CFAP97D2: variants seen among roughly 807,000 people sequenced by gnomAD.
CFAP97D2 encodes CFAP97 domain containing 2.
chr13:114,215,333 C>G (rs149484649), intron 4 of CFAP97D2, among the ~76,000 whole-genome samples: 184 of 152,016 alleles, frequency 1.2e-3, no homozygotes, highest in African/African-American at 4.3e-3. Context: ...CAATATTTAC[C>G]TTTTTTCTAT....
chr13:114,204,158 A>G (rs9590476), intron 3 of CFAP97D2, among the ~76,000 whole-genome samples: 10,031 of 152,250 alleles, frequency 0.066, 656 homozygotes, highest in African/African-American at 0.17. Flanking sequence ...GGCAGCCCAC[A>G]GGAGAGAGGC....
At chr13:114,181,512 C>T (rs117461521) in intron 1 of CFAP97D2, among the ~76,000 whole-genome samples, 1,755 of 152,234 alleles carry the variant, frequency 0.012, 94 homozygotes, top group Admixed American at 0.081. Context: ...AGGAGAAGGG[C>T]AAGCTACAGC....
In CFAP97D2 at chr13:114,221,891, A is replaced by T. The variant is rs542060017; in HGVS notation, c.481-607A>T. On this transcript the variant is annotated intron_variant, in intron 4 of 4. Transcript: ENST00000646158. ...TCGAGAGACTTGAAAACATACATTC[A>T]TGCAAAAACCCATACACTGATGTTC... Among the ~76,000 whole-genome samples, 12 of 152,324 alleles carry T rather than the reference A, an allele frequency of 7.9e-5. No homozygotes were observed. In the South Asian group the frequency reaches 2.5e-3, roughly 32 times the overall value.
At chr13:114,197,684 T>G (rs2080893896) in intron 2 of CFAP97D2, among the ~76,000 whole-genome samples, 1 of 145,096 alleles carries the variant, frequency 6.9e-6, no homozygotes, top group African/African-American at 2.9e-5. Flanking sequence ...TGTTGGGTTT[T>G]GGGTTTGTTT....
intron 3 of CFAP97D2, among the ~76,000 whole-genome samples, chr13:114,202,574 C>T (rs914019200): frequency 6.6e-6 from 1 of 152,244 alleles, no homozygotes; most frequent in African/African-American, 2.4e-5. Context: ...CAGATGCACA[C>T]CAGAAGCTGC....
chr13:114,182,856 G>A (rs1301153939), intron 1 of CFAP97D2, among the ~76,000 whole-genome samples: 1 of 152,158 alleles, frequency 6.6e-6, no homozygotes, highest in Non-Finnish European at 1.5e-5. Flanking sequence ...CAAAGTACAG[G>A]TCTTTTTCAG....
chr13:114,200,230 G>A (rs1410961049), intron 2 of CFAP97D2, 95 bp from the exon 3 acceptor site: 3 of 390,142 alleles, frequency 7.7e-6, no homozygotes, highest in African/African-American at 2.1e-5. Flanking sequence ...ACGAGGCAGC[G>A]TAAAACTCCC....
chr13:114,180,365 C>T (rs780417201), intron 1 of CFAP97D2, among the ~76,000 whole-genome samples: 6 of 152,214 alleles, frequency 3.9e-5, no homozygotes, highest in African/African-American at 9.6e-5. Context: ...CATTGCAAGG[C>T]GCCATAGCAC....
chr13:114,212,846 C>T (rs1468221130), intron 4 of CFAP97D2, among the ~76,000 whole-genome samples: 9 of 148,340 alleles, frequency 6.1e-5, no homozygotes, highest in East Asian at 2.0e-4. Flanking sequence ...ATCGAGACTC[C>T]GTCTCAAAAT....
At chr13:114,182,742 C>T (rs1271603946) in intron 1 of CFAP97D2, among the ~76,000 whole-genome samples, 1 of 152,232 alleles carries the variant, frequency 6.6e-6, no homozygotes, top group Non-Finnish European at 1.5e-5. Context: ...ACCTTGATTT[C>T]ATACAACACG....
chr13:114,180,106 C>T (rs2138743351), intron 1 of CFAP97D2, among the ~76,000 whole-genome samples: 1 of 152,374 alleles, frequency 6.6e-6, no homozygotes, highest in Non-Finnish European at 1.5e-5. Context: ...TGGCCTCCCA[C>T]AGTCTTCTGC....
rs776610635 is a variant in CFAP97D2, at chr13:114,207,714, C to T, written c.291-4198C>T. Among the ~76,000 whole-genome samples, 9 of 152,138 alleles carry T rather than the reference C, an allele frequency of 5.9e-5. No homozygotes were observed. The highest frequency in any genetic ancestry group is 1.3e-4 in the Non-Finnish European group (9 of 68,022). On this transcript the variant is annotated intron_variant, in intron 3 of 4. Transcript: ENST00000646158. The surrounding 1 kb of genome is among the most constrained non-coding windows in gnomAD (Gnocchi z 4.9). Reference sequence around the variant, plus strand: ...CACAGACTGGTATGGGTCCATGGCCCGGGGGTTGGGGACCTCTGCCTTATA... The same window carrying T: ...CACAGACTGGTATGGGTCCATGGCCTGGGGGTTGGGGACCTCTGCCTTATA...
chr13:114,200,137 G>T (rs948048016), intron 2 of CFAP97D2, among the ~76,000 whole-genome samples, 188 bp from the exon 3 acceptor site: 4 of 148,444 alleles, frequency 2.7e-5, no homozygotes, highest in Middle Eastern at 3.6e-3. Context: ...GTCCCCTCGC[G>T]TACGGTCCCT....
intron 1 of CFAP97D2, among the ~76,000 whole-genome samples, chr13:114,195,929 A>C (rs190784540): frequency 0.022 from 3,400 of 151,848 alleles, 129 homozygotes; most frequent in African/African-American, 0.078. Context: ...AAAAAAAAAA[A>C]AAAACTAGCT....
In CFAP97D2 at chr13:114,222,360, T is replaced by C. The variant is rs776827956; in HGVS notation, c.481-138T>C. The C allele has an allele frequency of 1.8e-5, 7 of 394,138 alleles. No individual in the cohort carries two copies. Among genetic ancestry groups the C allele is most frequent in the African/African-American group, 4.1e-5 (2 of 48,554 alleles). 24.4% of individuals were successfully genotyped at this position (394,138 alleles called of 1,614,324 possible). On this transcript the variant is annotated intron_variant, in intron 4 of 4. Coordinates refer to ENST00000646158, the Ensembl canonical transcript of CFAP97D2. This position sits in a 1 kb window ranked among gnomAD's most constrained non-coding sequence, Gnocchi z 4.4. Reference sequence around the variant, plus strand: ...GTATAGAATTGTATCTAAATAAAGCTGTTATTTTAAAAATTGTATGTTTAA... The same window carrying C: ...GTATAGAATTGTATCTAAATAAAGCCGTTATTTTAAAAATTGTATGTTTAA...
At chr13:114,180,160 A>G (rs372035937) in intron 1 of CFAP97D2, among the ~76,000 whole-genome samples, 102 of 152,336 alleles carry the variant, frequency 6.7e-4, no homozygotes, top group Non-Finnish European at 1.2e-3. Context: ...TCCATGTATC[A>G]TGTCTCCACA....
intron 3 of CFAP97D2, among the ~76,000 whole-genome samples, chr13:114,201,666 C>G (rs558529550): frequency 6.6e-6 from 1 of 152,360 alleles, no homozygotes; most frequent in East Asian, 1.9e-4. Context: ...TGACTCCATT[C>G]TTTAACAAAG....
chr13:114,212,650 C>A (rs756365126), intron 4 of CFAP97D2, among the ~76,000 whole-genome samples: 1 of 152,054 alleles, frequency 6.6e-6, no homozygotes, highest in African/African-American at 2.4e-5. Flanking sequence ...GAGATGGAGA[C>A]CATCCTGGCT....
chr13:114,201,266 T>C (rs762979009), intron 3 of CFAP97D2, among the ~76,000 whole-genome samples: 11 of 152,240 alleles, frequency 7.2e-5, no homozygotes, highest in Non-Finnish European at 1.2e-4. Flanking sequence ...GTGATTGTGA[T>C]AGTTAATTCT....
Sources: allele counts gnomAD v4.1 joint callset (sites outside exome capture counted in the v4.1 genomes callset), GRCh38; gene constraint gnomAD v4.1.1; non-coding constraint Gnocchi (gnomAD v3.1); transcripts MANE v1.5; gene names NCBI Gene and HGNC (gene_info 2026-07-23, HGNC 2026-07-21).